CHST1: variants seen among roughly 807,000 people sequenced by gnomAD.
CHST1 encodes Keratan sulfotransferase.
CHST1 carries 10 observed loss-of-function variants against 22.5 expected under a neutral mutation model. That is an observed-to-expected ratio of 0.44 (90% CI 0.27 to 0.75). The LOEUF is 0.75. Among genes scored for constraint, CHST1 ranks in the 30% least tolerant of loss-of-function variants. The pLI is 0.15. For synonymous variants in CHST1, 267 were observed against 264.5 expected (o/e 1.01, Z -0.09); for missense variants, 439 against 576.1 (o/e 0.76, Z 2.44).
intron 2 of CHST1, 24 bp from the exon 3 acceptor site, chr11:45,652,114 G>A (rs532000717): frequency 1.3e-5 from 2 of 152,350 alleles, no homozygotes; most frequent in African/African-American, 2.4e-5. Flanking sequence ...GGAGGGGAAG[G>A]GCTCAGAAGG....
chr11:45,662,035 C>T (rs1363226413), intron 1 of CHST1, among the ~76,000 whole-genome samples: 1 of 152,230 alleles, frequency 6.6e-6, no homozygotes, highest in Non-Finnish European at 1.5e-5. Flanking sequence ...AACAATTGAG[C>T]ACTAGAGGTT....
intron 1 of CHST1, among the ~76,000 whole-genome samples, chr11:45,662,509 G>T (rs576086069): frequency 1.3e-4 from 20 of 152,308 alleles, no homozygotes; most frequent in African/African-American, 4.8e-4. Flanking sequence ...TTTCAAAGCA[G>T]GAGGCCAGCC....
Position 45,653,438 on chromosome 11 carries a change from C to A in CHST1, c.-226-832G>T, listed in dbSNP as rs1852023722. On this transcript the variant is annotated intron_variant, in intron 1 of 3. Coordinates refer to ENST00000308064, the MANE Select transcript of CHST1 (RefSeq NM_003654.6). ...CAATCCCAACCACACTGCATCCCAC[C>A]CCGACCTCATCCCATAGTGGCAGAG... 2.0e-5 allele frequency among the ~76,000 whole-genome samples: 3 copies of A among 152,160 alleles called. 1 individual carries two copies. In the South Asian group the frequency reaches 6.2e-4, roughly 32 times the overall value.
In CHST1 at chr11:45,650,617, G is replaced by C. The variant is rs1851983161; in HGVS notation, c.307C>G (p.Arg103Gly). The C allele has an allele frequency of 1.2e-6, 2 of 1,613,950 alleles. No homozygotes were observed. The highest frequency in any genetic ancestry group is 1.7e-6 in the Non-Finnish European group (2 of 1,179,990). Residue 103 changes from arginine to glycine, a missense_variant, in exon 4 of 4, where the codon CGC (arginine) becomes GGC (glycine). By Grantham distance (125) the Arg-to-Gly change is moderately radical (BLOSUM62 -2). Transcript: ENST00000308064. ...GCCGGGCTCTTGCCCTGGGTGAAGC[G>C]GGGGATGAGCGTGTTCTGGACGTGG... ...LYHVQNTLIP[R>G]FTQGKSPADR...
chr11:45,650,499 G>A lies in CHST1; in HGVS notation c.425C>T (p.Pro142Leu). ...CCTGTCGGTGGTGTGGTTGACCGGC[G>A]GCGGCTTGATGTAGTTCTCCAGGAA... is the stretch of plus-strand genomic sequence containing the variant. Reference protein sequence around the residue: ...LYFLENYIKPPPVNHTTDRIF... With the variant: ...LYFLENYIKPLPVNHTTDRIF... Residue 142 changes from proline (P) to leucine (L), a missense_variant, in exon 4 of 4, where the codon CCG (proline) becomes CTG (leucine). Physicochemically the swap from Pro to Leu is moderately conservative, Grantham distance 98. Transcript: ENST00000308064. 3.1e-6 allele frequency: 5 copies of A among 1,613,718 alleles called. No individual in the cohort carries two copies. The highest frequency in any genetic ancestry group is 4.2e-6 in the Non-Finnish European group (5 of 1,179,958).
In CHST1 at chr11:45,649,982, C is replaced by T. The variant is rs200634272; in HGVS notation, c.942G>A (p.Glu314=). The T allele has an allele frequency of 6.2e-7, 1 of 1,613,908 alleles. No individual in the cohort carries two copies. Among genetic ancestry groups the T allele is most frequent in the East Asian group, 2.2e-5 (1 of 44,850 alleles). Residue 314 remains glutamate, a synonymous_variant, in exon 4 of 4, where the codon GAG becomes GAA. Coordinates refer to ENST00000308064, the MANE Select transcript of CHST1 (RefSeq NM_003654.6). ...GGATGCCCAGGAACCCGTAGATCTC[C>T]TCGGTCTTCTTCATAGGGTTCCGAG... The part of the protein sequence containing the change: ...DLARNPMKKT[E]EIYGFLGIPL...
intron 1 of CHST1, among the ~76,000 whole-genome samples, chr11:45,654,314 ACT>A (rs1451936473): frequency 6.6e-6 from 1 of 152,086 alleles, no homozygotes; most frequent in Non-Finnish European, 1.5e-5. Context: ...AGACAGCGAG[ACT>A]CGGCCTCACA....
At chr11:45,657,816 C>A (rs1159228780) in intron 1 of CHST1, among the ~76,000 whole-genome samples, 2 of 152,178 alleles carry the variant, frequency 1.3e-5, no homozygotes. Flanking sequence ...CTCTCCAGAA[C>A]CTGGACCACC....
intron 1 of CHST1, among the ~76,000 whole-genome samples, chr11:45,660,319 T>C (rs947067433): frequency 1.3e-5 from 2 of 152,166 alleles, no homozygotes; most frequent in African/African-American, 4.8e-5. Flanking sequence ...GAGGTTCATA[T>C]GCGAGTGAGG....
intron 1 of CHST1, among the ~76,000 whole-genome samples, chr11:45,652,924 G>C (rs1054588788): frequency 1.3e-5 from 2 of 152,204 alleles, no homozygotes; most frequent in Non-Finnish European, 2.9e-5. Context: ...TGTTCCTCCA[G>C]CTTAAACATA....
Position 45,649,566 on chromosome 11 carries a change from G to C in CHST1, c.*122C>G. 1 of 1,034,268 alleles carries C rather than the reference G, an allele frequency of 9.7e-7. No homozygotes were observed. The highest frequency in any genetic ancestry group is 1.4e-6 in the Non-Finnish European group (1 of 711,216). The allele number at this position is 1,034,268 out of a possible 1,614,324, so 64.1% of individuals were successfully genotyped here. On this transcript the variant is annotated 3_prime_UTR_variant, in exon 4 of 4. Transcript: ENST00000308064. ...GGGCAGAAGGGAGTGGGGTGAGCTG[G>C]GGGCAGGAAGGACACGAAGATGAGG...
intron 1 of CHST1, among the ~76,000 whole-genome samples, chr11:45,663,866 T>C (rs1852164752): frequency 1.3e-5 from 2 of 152,140 alleles, no homozygotes; most frequent in Admixed American, 1.3e-4. Context: ...ATTGAATAGG[T>C]TGGAAGCCTG....
In CHST1 at chr11:45,649,409, T is replaced by G. The variant is rs1851959108; in HGVS notation, c.*279A>C. On this transcript the variant is annotated 3_prime_UTR_variant, in exon 4 of 4. Transcript: ENST00000308064. ...GTGTAAATGTGGTGCTTGTAAACAT[T>G]GTCACCGTCCGCACAGAGACCCAAC... 4 of 452,368 alleles carry G rather than the reference T, an allele frequency of 8.8e-6. No individual in the cohort carries two copies. In the South Asian group the frequency reaches 1.5e-4, roughly 17 times the overall value. The allele number at this position is 452,368 out of a possible 1,614,324, so 28.0% of individuals were successfully genotyped here.
At chr11:45,661,425 A>G (rs1007569065) in intron 1 of CHST1, among the ~76,000 whole-genome samples, 4 of 152,238 alleles carry the variant, frequency 2.6e-5, no homozygotes, top group Admixed American at 2.6e-4. Context: ...GTGAACACCA[A>G]TGAGGACAGC....
At chr11:45,655,397 T>C (rs2120335547) in intron 1 of CHST1, among the ~76,000 whole-genome samples, 1 of 152,354 alleles carries the variant, frequency 6.6e-6, no homozygotes, top group South Asian at 2.1e-4. Flanking sequence ...GGGAACTTCT[T>C]CCTGCTGAGC....
intron 1 of CHST1, among the ~76,000 whole-genome samples, chr11:45,658,338 G>C (rs1440847109): frequency 1.3e-5 from 2 of 152,262 alleles, no homozygotes; most frequent in African/African-American, 4.8e-5. Flanking sequence ...GCTAGGCACA[G>C]AGCAAATGCT....
Position 45,649,144 on chromosome 11 carries a change from A to C in CHST1, c.*544T>G, listed in dbSNP as rs1295694577. On this transcript the variant is annotated 3_prime_UTR_variant, in exon 4 of 4. Transcript: ENST00000308064. ...CTCACAGTAAAAACCTGCCTCACCG[A>C]CAGGCAAGGGCGGGCAGGAGGGGGC... The C allele has an allele frequency of 2.6e-5, 4 of 153,182 alleles. No individual in the cohort carries two copies. The highest frequency in any genetic ancestry group is 9.7e-5 in the African/African-American group (4 of 41,390). 9.5% of individuals were successfully genotyped at this position (153,182 alleles called of 1,614,324 possible). A position where few individuals can be genotyped will look rare whatever the true frequency, so the allele number is the denominator to read the frequency against.
chr11:45,661,510 G>A (rs1359793453), intron 1 of CHST1, among the ~76,000 whole-genome samples: 1 of 152,230 alleles, frequency 6.6e-6, no homozygotes, highest in Non-Finnish European at 1.5e-5. Context: ...TGTCCATGGG[G>A]GTGCCGGCAG....
chr11:45,656,464 T>G (rs1406155072), intron 1 of CHST1, among the ~76,000 whole-genome samples: 1 of 152,220 alleles, frequency 6.6e-6, no homozygotes, highest in East Asian at 1.9e-4. Context: ...GAGGTGGACA[T>G]GTATATTTGT....
Sources: allele counts gnomAD v4.1 joint callset (sites outside exome capture counted in the v4.1 genomes callset), GRCh38; gene constraint gnomAD v4.1.1; transcripts MANE v1.5; gene names NCBI Gene and HGNC (gene_info 2026-07-23, HGNC 2026-07-21).